DIAPH3: variants seen among roughly 807,000 people sequenced by gnomAD.
DIAPH3 encodes diaphanous related formin 3.
A neutral mutation model predicts 144.3 loss-of-function variants in DIAPH3; 117 were observed. The ratio of observed to expected loss-of-function variants is 0.81; its 90% CI spans 0.70 to 0.95. DIAPH3 has a LOEUF of 0.95. DIAPH3 is among the 40% of genes least tolerant of loss of function. The pLI, the probability that DIAPH3 is intolerant of heterozygous loss-of-function variation, is 0.00. For synonymous variants in DIAPH3, 519 were observed against 488.9 expected, an observed-to-expected ratio of 1.06 and a Z score of -0.81; for missense variants, 1,421 against 1,412.7, an observed-to-expected ratio of 1.01 and a Z score of -0.09.
At chr13:59,880,194 A>T (rs1410539119) in intron 20 of DIAPH3, among the ~76,000 whole-genome samples, 1 of 152,174 alleles carries the variant, frequency 6.6e-6, no homozygotes, top group Non-Finnish European at 1.5e-5. Flanking sequence ...CAAAGGGGCA[A>T]GTTCCTGCCT....
At chr13:59,779,967 A>C (rs191492956) in intron 25 of DIAPH3, among the ~76,000 whole-genome samples, 2 of 152,298 alleles carry the variant, frequency 1.3e-5, no homozygotes, top group East Asian at 3.9e-4. Context: ...CAAATGTTAA[A>C]AATGCATTTA....
intron 25 of DIAPH3, among the ~76,000 whole-genome samples, chr13:59,792,310 CAT>C (rs1287642881): frequency 6.6e-6 from 1 of 152,186 alleles, no homozygotes; most frequent in Non-Finnish European, 1.5e-5. Flanking sequence ...CTTTGAGACA[CAT>C]GTCATTCAGT....
chr13:59,696,463 T>C lies in DIAPH3; in HGVS notation c.3320-29617A>G, dbSNP rs182526828. 1.6e-4 allele frequency among the ~76,000 whole-genome samples: 25 copies of C among 152,338 alleles called. 1 individual carries two copies. The highest frequency in any genetic ancestry group is 1.6e-3 in the Admixed American group (25 of 15,302). On this transcript the variant is annotated intron_variant, in intron 27 of 27. Transcript: ENST00000400324. ...TACCATGACAGGGAGGACAAATGCC[T>C]GCTATATAGTGCTATGCATCCCATT...
intron 24 of DIAPH3, among the ~76,000 whole-genome samples, chr13:59,826,207 A>G (rs997518958): frequency 2.1e-5 from 3 of 145,298 alleles, no homozygotes; most frequent in African/African-American, 7.6e-5. Flanking sequence ...AAGGAAATAA[A>G]GGGTATTCAA....
intron 20 of DIAPH3, among the ~76,000 whole-genome samples, chr13:59,903,585 T>C (rs1334473389): frequency 6.6e-6 from 1 of 151,186 alleles, no homozygotes; most frequent in East Asian, 1.9e-4. Flanking sequence ...AATGGCAAGA[T>C]CACTTAGGGT....
At chr13:59,987,567 T>C (rs1015434978) in intron 12 of DIAPH3, among the ~76,000 whole-genome samples, 1 of 151,014 alleles carries the variant, frequency 6.6e-6, no homozygotes, top group Admixed American at 6.6e-5. Flanking sequence ...TTTATTGCTT[T>C]CTTTTTGGCC....
chr13:60,117,246 T>C (rs1020061704), intron 2 of DIAPH3, among the ~76,000 whole-genome samples: 2 of 152,046 alleles, frequency 1.3e-5, no homozygotes, highest in Non-Finnish European at 2.9e-5. Context: ...TTACCACTAG[T>C]ATAGACGGAT....
chr13:59,929,483 G>T (rs1367129034), intron 17 of DIAPH3, among the ~76,000 whole-genome samples: 1 of 145,780 alleles, frequency 6.9e-6, no homozygotes, highest in African/African-American at 2.5e-5. Context: ...CCTGTCTTAA[G>T]TACTATAGAT....
At chr13:59,974,512 T>C in intron 14 of DIAPH3, 56 bp from the exon 15 acceptor site, 1 of 1,403,736 alleles carries the variant, frequency 7.1e-7, no homozygotes, top group South Asian at 1.2e-5. Context: ...AAAAGCACTA[T>C]TCTTCTTATA....
At chr13:59,888,043 CTATT>C (rs1281809685) in intron 20 of DIAPH3, among the ~76,000 whole-genome samples, 1 of 151,996 alleles carries the variant, frequency 6.6e-6, no homozygotes, top group Non-Finnish European at 1.5e-5. Context: ...TATTTTATTA[CTATT>C]TGTTTTCCAT....
chr13:59,861,365 T>C, intron 22 of DIAPH3, 42 bp downstream of exon 22: 1 of 1,613,354 alleles, frequency 6.2e-7, no homozygotes, highest in South Asian at 1.1e-5. Context: ...CTTTTAGCAC[T>C]GAAGATCAGA....
At chr13:59,714,101 CT>C (rs1394546175) in intron 27 of DIAPH3, among the ~76,000 whole-genome samples, 1 of 152,054 alleles carries the variant, frequency 6.6e-6, no homozygotes, top group African/African-American at 2.4e-5. Flanking sequence ...TGGCTCACGC[CT>C]GTAATCCCAG....
chr13:60,162,153 GC>G (rs1220544626), intron 1 of DIAPH3, among the ~76,000 whole-genome samples: 4 of 152,156 alleles, frequency 2.6e-5, no homozygotes, highest in Non-Finnish European at 5.9e-5. Flanking sequence ...CAAATGGCAT[GC>G]TGAGATGGTC....
chr13:60,021,666 CAA>C (rs55896515), intron 5 of DIAPH3, among the ~76,000 whole-genome samples: 23 of 81,372 alleles, frequency 2.8e-4, no homozygotes, highest in South Asian at 1.3e-3. Flanking sequence ...GGCTCTGTCT[CAA>C]AAAAAAAAAA....
intron 25 of DIAPH3, among the ~76,000 whole-genome samples, chr13:59,804,334 T>C (rs553302547): frequency 6.6e-6 from 1 of 152,326 alleles, no homozygotes; most frequent in East Asian, 1.9e-4. Flanking sequence ...ACAATCATTT[T>C]GGTCCCTTTT....
intron 4 of DIAPH3, among the ~76,000 whole-genome samples, chr13:60,069,984 T>C (rs1241972705): frequency 6.6e-6 from 1 of 152,164 alleles, no homozygotes; most frequent in Admixed American, 6.5e-5. Context: ...ACAGAATTTA[T>C]AGAATACATT....
rs1157762337 is a variant in DIAPH3 at position 60,073,655 on chromosome 13, C to A, written c.495+19973G>T. 3.9e-5 allele frequency among the ~76,000 whole-genome samples: 6 copies of A among 152,300 alleles called. No homozygotes were observed. The South Asian group carries it at 1.2e-3, about 32-fold the overall frequency. On this transcript the variant is annotated intron_variant, in intron 4 of 27. Coordinates refer to ENST00000400324, the MANE Select transcript of DIAPH3 (RefSeq NM_001042517.2). ...ATTTATGGCATCCAGCATTGTAACA[C>A]ATAGGTAAATGCTTAATAAACACTA...
At chr13:60,142,746 T>C (rs559701746) in intron 1 of DIAPH3, among the ~76,000 whole-genome samples, 46 of 152,182 alleles carry the variant, frequency 3.0e-4, no homozygotes, top group Admixed American at 2.7e-3. Flanking sequence ...GCCCTTTTCC[T>C]TTCTTTTTTA....
intron 12 of DIAPH3, among the ~76,000 whole-genome samples, chr13:59,988,273 G>T (rs544778845): frequency 3.3e-5 from 5 of 151,692 alleles, no homozygotes; most frequent in African/African-American, 9.7e-5. Context: ...AAATATTTCT[G>T]CCATAATAAC....
Sources: gnomAD v4.1 joint callset for allele counts (sites outside exome capture counted in the v4.1 genomes callset) on GRCh38, gnomAD v4.1.1 for gene constraint, MANE v1.5 for transcripts, NCBI Gene and HGNC (gene_info 2026-07-23, HGNC 2026-07-21) for gene names.